The following RBFOX1 variants were observed in gnomAD, a reference collection of about 807,000 sequenced individuals.
The protein encoded by RBFOX1 is RNA binding protein fox-1 homolog 1.
RBFOX1 carries 8 observed loss-of-function variants against 57.7 expected under a neutral mutation model. The ratio of observed to expected loss-of-function variants is 0.14; its 90% CI spans 0.08 to 0.25. The LOEUF is 0.25. Among genes scored for constraint, RBFOX1 ranks in the 10% least tolerant of loss-of-function variants. The pLI, the probability that RBFOX1 is intolerant of heterozygous loss-of-function variation, is 1.00. For synonymous variants in RBFOX1, 326 were observed against 222.4 expected (o/e 1.47, Z -4.15); for missense variants, 611 against 548.5 (o/e 1.11, Z -1.14).
chr16:7,209,539 C>T (rs1455703450), intron 4 of RBFOX1, among the ~76,000 whole-genome samples: 1 of 152,200 alleles, frequency 6.6e-6, no homozygotes, highest in Non-Finnish European at 1.5e-5. Flanking sequence ...CTTCCTTCTG[C>T]TCTCAGTGCA....
At chr16:6,402,550 C>T (rs1257840488) in intron 2 of RBFOX1, among the ~76,000 whole-genome samples, 1 of 152,082 alleles carries the variant, frequency 6.6e-6, no homozygotes, top group African/African-American at 2.4e-5. Context: ...AAGCAAAGTA[C>T]TGCTTTCTGC....
At chr16:7,262,808 A>C (rs551510033) in intron 4 of RBFOX1, among the ~76,000 whole-genome samples, 1 of 152,216 alleles carries the variant, frequency 6.6e-6, no homozygotes, top group Non-Finnish European at 1.5e-5. Flanking sequence ...TTCTTTTTCT[A>C]AGTTAGTGCT....
At chr16:7,389,497 T>C (rs2097952556) in intron 4 of RBFOX1, among the ~76,000 whole-genome samples, 4 of 152,218 alleles carry the variant, frequency 2.6e-5, no homozygotes, top group Non-Finnish European at 5.9e-5. Flanking sequence ...TTGATCTTTG[T>C]TCTGGACTCC....
chr16:7,394,984 A>G (rs950342054), intron 4 of RBFOX1, among the ~76,000 whole-genome samples: 1 of 152,174 alleles, frequency 6.6e-6, no homozygotes, highest in African/African-American at 2.4e-5. Context: ...GAGCCTGTGT[A>G]CGTGCTGAGG....
chr16:5,239,985 G>C (rs1474390359), exon 1 of RBFOX1: 1 of 1,530,414 alleles, frequency 6.5e-7, no homozygotes. Flanking sequence ...CCGAAGAGAA[G>C]AGGCTGCGGC....
chr16:5,778,628 C>G (rs1417655311), intron 3 of RBFOX1, among the ~76,000 whole-genome samples: 1 of 152,182 alleles, frequency 6.6e-6, no homozygotes, highest in Non-Finnish European at 1.5e-5. Context: ...GTAGGTTTGA[C>G]TCATGGATCC....
At chr16:7,617,715 C>T (rs986248342) in intron 10 of RBFOX1, among the ~76,000 whole-genome samples, 24 of 152,036 alleles carry the variant, frequency 1.6e-4, no homozygotes, top group Admixed American at 9.2e-4. Context: ...TGCTAGGTGC[C>T]GAGGTACCAA....
At chr16:5,714,768 C>G (rs1161349756) in intron 3 of RBFOX1, among the ~76,000 whole-genome samples, 4 of 152,178 alleles carry the variant, frequency 2.6e-5, no homozygotes, top group Non-Finnish European at 5.9e-5. Flanking sequence ...AGTGATTTAT[C>G]ACTATAATCA....
rs114044435 is a variant in RBFOX1, at chr16:6,001,893, C to T, written c.351+134558C>T. 2.4e-3 allele frequency among the ~76,000 whole-genome samples: 365 copies of T among 152,170 alleles called. 3 individuals carry two copies. Among genetic ancestry groups the T allele is most frequent in the African/African-American group, 8.2e-3 (341 of 41,528 alleles). Reference sequence around the variant, plus strand: ...GCCCTCCTCATTCCCTCTTCTTCCCCTATTCTTTACTCCCATGATTACTGT... The same window carrying T: ...GCCCTCCTCATTCCCTCTTCTTCCCTTATTCTTTACTCCCATGATTACTGT... On this transcript the variant is annotated intron_variant, in intron 4 of 19. Coordinates refer to the RBFOX1 transcript ENST00000641259.
intron 2 of RBFOX1, among the ~76,000 whole-genome samples, chr16:5,580,271 G>A (rs2046619176): frequency 6.6e-6 from 1 of 152,330 alleles, no homozygotes; most frequent in Admixed American, 6.5e-5. Flanking sequence ...TCTGGGTTCT[G>A]GGAGCGCCGG....
chr16:6,169,715 G>A (rs1187784786), intron 1 of RBFOX1, among the ~76,000 whole-genome samples: 1 of 152,188 alleles, frequency 6.6e-6, no homozygotes, highest in Non-Finnish European at 1.5e-5. Flanking sequence ...GCAGCCACTA[G>A]GATTGGCCAA....
chr16:6,879,577 T>C (rs1365156889), intron 3 of RBFOX1, among the ~76,000 whole-genome samples: 1 of 152,242 alleles, frequency 6.6e-6, no homozygotes, highest in African/African-American at 2.4e-5. Flanking sequence ...AAGTTTCCAT[T>C]ATCATTTTTA....
At chr16:5,866,346 C>T (rs745711783) in intron 3 of RBFOX1, among the ~76,000 whole-genome samples, 1 of 152,182 alleles carries the variant, frequency 6.6e-6, no homozygotes, top group African/African-American at 2.4e-5. Flanking sequence ...TAATTACTTT[C>T]CAAAGGTCCA....
At chr16:6,391,442 G>A (rs1434742007) in intron 2 of RBFOX1, among the ~76,000 whole-genome samples, 1 of 151,494 alleles carries the variant, frequency 6.6e-6, no homozygotes, top group Non-Finnish European at 1.5e-5. Context: ...CCCGGGAGGT[G>A]GAGCTTGCAG....
intron 3 of RBFOX1, among the ~76,000 whole-genome samples, chr16:6,844,135 T>TG (rs1555521927): frequency 1.3e-5 from 2 of 151,156 alleles, no homozygotes; most frequent in Non-Finnish European, 3.0e-5. Flanking sequence ...CTTTTCTCTC[T>TG]CTCCATCATT....
intron 3 of RBFOX1, among the ~76,000 whole-genome samples, chr16:6,812,605 G>T (rs2088989164): frequency 6.6e-6 from 1 of 152,076 alleles, no homozygotes; most frequent in African/African-American, 2.4e-5. Flanking sequence ...TCAAACTCCT[G>T]ACCTCAATTG....
At chr16:6,190,572 A>G (rs907155983) in intron 1 of RBFOX1, among the ~76,000 whole-genome samples, 7 of 152,236 alleles carry the variant, frequency 4.6e-5, no homozygotes, top group Non-Finnish European at 1.0e-4. Flanking sequence ...TAAATCTTTC[A>G]GCACTGCCTG....
intron 4 of RBFOX1, among the ~76,000 whole-genome samples, chr16:6,013,823 G>A (rs1425986079): frequency 6.6e-6 from 1 of 152,004 alleles, no homozygotes; most frequent in Admixed American, 6.6e-5. Flanking sequence ...CCGCATGGAT[G>A]AAGCTGGAAA....
intron 4 of RBFOX1, among the ~76,000 whole-genome samples, chr16:7,448,910 AC>A (rs1240605254): frequency 1.6e-5 from 2 of 126,426 alleles, no homozygotes; most frequent in Non-Finnish European, 3.4e-5. Context: ...TTCTTGGTAG[AC>A]ATTTTTCTTT....
Sources: gnomAD v4.1 joint callset for allele counts (sites outside exome capture counted in the v4.1 genomes callset) on GRCh38, gnomAD v4.1.1 for gene constraint, MANE v1.5 for transcripts, NCBI Gene and HGNC (gene_info 2026-07-23, HGNC 2026-07-21) for gene names.